The following CYP2C19 variants were observed in gnomAD, a reference collection of about 807,000 sequenced individuals.
CYP2C19 encodes cytochrome P450 family 2 subfamily C member 19.
In CYP2C19, 59 loss-of-function variants were observed where a neutral mutation model predicts 40.9. That is an observed-to-expected ratio of 1.44 (90% CI 1.17 to 1.79). The LOEUF (loss-of-function observed/expected upper bound fraction) is 1.79, where lower values mean the gene tolerates loss of function less well. CYP2C19 is among the 40% of genes most tolerant of loss of function. The pLI, the probability that CYP2C19 is intolerant of heterozygous loss-of-function variation, is 0.00. For synonymous variants in CYP2C19, 253 were observed against 208.7 expected, an observed-to-expected ratio of 1.21 and a Z score of -1.83; for missense variants, 754 against 596.9, an observed-to-expected ratio of 1.26 and a Z score of -2.74.
intron 6 of CYP2C19, among the ~76,000 whole-genome samples, chr10:94,838,227 G>A (rs1849435135): frequency 6.6e-6 from 1 of 152,148 alleles, no homozygotes; most frequent in African/African-American, 2.4e-5. Flanking sequence ...GTGTCCCAGT[G>A]AGGGTCTACA....
intron 5 of CYP2C19, among the ~76,000 whole-genome samples, chr10:94,795,292 T>G (rs1848667703): frequency 6.6e-6 from 1 of 151,826 alleles, no homozygotes; most frequent in Non-Finnish European, 1.5e-5. Flanking sequence ...CTGAGAATGA[T>G]GGTTTCCAGC....
chr10:94,795,251 G>T (rs1169666309), intron 5 of CYP2C19, among the ~76,000 whole-genome samples: 1 of 148,918 alleles, frequency 6.7e-6, no homozygotes, highest in Non-Finnish European at 1.5e-5. Context: ...AGAACATACG[G>T]TGTTTGGTTT....
At chr10:94,827,918 T>G (rs1849257374) in intron 6 of CYP2C19, among the ~76,000 whole-genome samples, 1 of 151,970 alleles carries the variant, frequency 6.6e-6, no homozygotes, top group African/African-American at 2.4e-5. Flanking sequence ...CATTTCGTTA[T>G]GTACCCAGTA....
intron 5 of CYP2C19, among the ~76,000 whole-genome samples, chr10:94,794,428 C>T (rs1359887415): frequency 2.0e-5 from 3 of 152,178 alleles, no homozygotes; most frequent in African/African-American, 4.8e-5. Context: ...CACCCATCTT[C>T]TACATTGCTC....
chr10:94,804,883 T>C (rs1848813001), intron 5 of CYP2C19, among the ~76,000 whole-genome samples: 1 of 152,222 alleles, frequency 6.6e-6, no homozygotes. Context: ...TATGGTATTC[T>C]TTATTCTTTA....
chr10:94,787,272 T>C (rs73315956), intron 5 of CYP2C19, among the ~76,000 whole-genome samples: 1 of 152,310 alleles, frequency 6.6e-6, no homozygotes, highest in African/African-American at 2.4e-5. Context: ...TTTTGTCATA[T>C]GCTTGTTGGC....
At chr10:94,841,756 C>T (rs1849498648) in intron 6 of CYP2C19, among the ~76,000 whole-genome samples, 3 of 152,152 alleles carry the variant, frequency 2.0e-5, no homozygotes, top group African/African-American at 7.2e-5. Flanking sequence ...GACCCACTGG[C>T]CATTCATGAG....
At chr10:94,763,756 G>C (rs779867954) in intron 1 of CYP2C19, among the ~76,000 whole-genome samples, 1 of 151,914 alleles carries the variant, frequency 6.6e-6, no homozygotes, top group South Asian at 2.1e-4. Context: ...TGAAGGCCCC[G>C]TGTTATTAGT....
Position 94,820,421 on chromosome 10 carries a change from G to A in CYP2C19, c.820-75G>A, listed in dbSNP as rs1345359587. ...TTCTATGTTGGTAAGTATACAATGTGAGTAATTTTGAATTTACTGTCATCA... is the reference window on the plus strand; with the variant it reads ...TTCTATGTTGGTAAGTATACAATGTAAGTAATTTTGAATTTACTGTCATCA... On this transcript the variant is annotated intron_variant, in intron 5 of 8. Transcript: ENST00000371321. The A allele has an allele frequency of 2.0e-6, 3 of 1,513,664 alleles. No individual in the cohort carries two copies. In the African/African-American group the frequency reaches 4.1e-5, roughly 21 times the overall value. The allele number at this position is 1,513,664 out of a possible 1,614,324, so 93.8% of individuals were successfully genotyped here. A position where few individuals can be genotyped will look rare whatever the true frequency, so the allele number is the denominator to read the frequency against.
At chr10:94,816,802 C>T (rs966668082) in intron 5 of CYP2C19, among the ~76,000 whole-genome samples, 2 of 148,452 alleles carry the variant, frequency 1.3e-5, no homozygotes, top group South Asian at 4.4e-4. Context: ...TTGTTCAATT[C>T]CCACCTATGA....
Position 94,781,916 on chromosome 10 carries a change from GA to G in CYP2C19, c.741del (p.Val248Ter). 6.7e-7 allele frequency: 1 copy of G among 1,500,900 alleles called. No homozygotes were observed. Among genetic ancestry groups the G allele is most frequent in the Non-Finnish European group, 8.8e-7 (1 of 1,136,676 alleles). 93.0% of individuals were successfully genotyped at this position (1,500,900 alleles called of 1,614,324 possible). ...CTTTTATGGAAAGTGATATTTTGGA[GA>G]AAGTAAAAGAACACCAAGAATCGAT... is the stretch of plus-strand genomic sequence containing the variant. ...LAFMESDILE[K>X]VKEHQESMDI... On this transcript the variant is annotated frameshift_variant, in exon 5 of 9. Coordinates refer to ENST00000371321, the MANE Select transcript of CYP2C19 (RefSeq NM_000769.4). LOFTEE classifies it high-confidence loss of function.
intron 5 of CYP2C19, 128 bp from the exon 6 acceptor site, chr10:94,820,368 A>AT (rs1849095778): frequency 1.8e-6 from 2 of 1,090,572 alleles, no homozygotes; most frequent in Non-Finnish European, 2.7e-6. Context: ...CCTATTCAAT[A>AT]TTTTTTTCTA....
chr10:94,842,240 T>C (rs1849505925), intron 6 of CYP2C19, among the ~76,000 whole-genome samples: 1 of 151,738 alleles, frequency 6.6e-6, no homozygotes, highest in African/African-American at 2.4e-5. Context: ...TCATCAATTG[T>C]CATATTCTTT....
chr10:94,791,018 G>A (rs1212838210), intron 5 of CYP2C19, among the ~76,000 whole-genome samples: 1 of 152,084 alleles, frequency 6.6e-6, no homozygotes, highest in Non-Finnish European at 1.5e-5. Flanking sequence ...TGGTTGGTAT[G>A]CTATTAATTA....
In CYP2C19 at chr10:94,848,971, T is replaced by C. The variant is rs555591693; in HGVS notation, c.1150-946T>C. On this transcript the variant is annotated intron_variant, in intron 7 of 8. Transcript: ENST00000371321. Reference sequence around the variant, plus strand: ...GAAGTTGTTTATCAGCTTAAGGAGATTTTGGGCTGAGACGATGGGGTTGTC... The same window carrying C: ...GAAGTTGTTTATCAGCTTAAGGAGACTTTGGGCTGAGACGATGGGGTTGTC... 6.6e-5 allele frequency among the ~76,000 whole-genome samples: 10 copies of C among 152,312 alleles called. 1 individual carries two copies. The South Asian group carries it at 2.1e-3, about 32-fold the overall frequency.
At chr10:94,817,663 G>C (rs1196261239) in intron 5 of CYP2C19, among the ~76,000 whole-genome samples, 1 of 150,234 alleles carries the variant, frequency 6.7e-6, no homozygotes, top group Non-Finnish European at 1.5e-5. Flanking sequence ...CCATGCCTAT[G>C]TCCTGAATGG....
chr10:94,781,869 A>C lies in CYP2C19; in HGVS notation c.691A>C (p.Asn231His), dbSNP rs1848483254. The C allele has an allele frequency of 6.7e-7, 1 of 1,490,010 alleles. No individual in the cohort carries two copies. Among genetic ancestry groups the C allele is most frequent in the African/African-American group, 1.5e-5 (1 of 67,726 alleles). 92.3% of individuals were successfully genotyped at this position (1,490,010 alleles called of 1,614,324 possible). A position where few individuals can be genotyped will look rare whatever the true frequency, so the allele number is the denominator to read the frequency against. Residue 231 changes from asparagine to histidine, a missense_variant, in exon 5 of 9, where the codon AAC (asparagine) becomes CAC (histidine). Transcript: ENST00000371321. ...TIIDYFPGTH[N>H]KLLKNLAFME... ...CATTGATTATTTCCCGGGAACCCAT[A>C]ACAAATTACTTAAAAACCTTGCTTT...
chr10:94,790,168 T>C (rs1031861489), intron 5 of CYP2C19, among the ~76,000 whole-genome samples: 4 of 152,270 alleles, frequency 2.6e-5, no homozygotes, highest in African/African-American at 9.6e-5. Flanking sequence ...TGTATAGGAA[T>C]GCTTATGATT....
chr10:94,813,761 C>T (rs1848960835), intron 5 of CYP2C19, among the ~76,000 whole-genome samples: 1 of 150,874 alleles, frequency 6.6e-6, no homozygotes. Context: ...TCTCTTGGCT[C>T]CCTGGCTTCA....
Sources: gnomAD v4.1 joint callset for allele counts (sites outside exome capture counted in the v4.1 genomes callset) on GRCh38, gnomAD v4.1.1 for gene constraint, MANE v1.5 for transcripts, NCBI Gene and HGNC (gene_info 2026-07-23, HGNC 2026-07-21) for gene names.